Variants in ANKRD16 observed in about 807,000 individuals in gnomAD.
ANKRD16 encodes the protein ankyrin repeat domain 16.
A neutral mutation model predicts 37.9 loss-of-function variants in ANKRD16; 35 were observed. The ratio of observed to expected loss-of-function variants is 0.92; its 90% CI spans 0.71 to 1.23. The LOEUF (loss-of-function observed/expected upper bound fraction) is 1.23. Among genes scored for constraint, ANKRD16 ranks in the 50% most tolerant of loss-of-function variants. ANKRD16 has a pLI of 0.00. For missense variants in ANKRD16, 480 were observed against 469.9 expected, an observed-to-expected ratio of 1.02 and a Z score of -0.20; for synonymous variants, 206 against 197.2, an observed-to-expected ratio of 1.04 and a Z score of -0.37.
At chr10:5,879,333 G>C (rs1292408240) in intron 6 of ANKRD16, among the ~76,000 whole-genome samples, 1 of 152,064 alleles carries the variant, frequency 6.6e-6, no homozygotes, top group East Asian at 1.9e-4. Context: ...AATTAGCTGG[G>C]CATGGTGGTG....
chr10:5,877,675 C>T (rs1842205260), intron 7 of ANKRD16, among the ~76,000 whole-genome samples: 1 of 152,348 alleles, frequency 6.6e-6, no homozygotes, highest in South Asian at 2.1e-4. Context: ...GGGCCAACTG[C>T]ATTTTATAGC....
chr10:5,867,450 T>A, intron 7 of ANKRD16, among the ~76,000 whole-genome samples: 1 of 152,262 alleles, frequency 6.6e-6, no homozygotes, highest in East Asian at 1.9e-4. Flanking sequence ...AGCCAAACTT[T>A]AAAGTACTTA....
rs556442069 is a variant in ANKRD16, at chr10:5,867,736, C to T, written c.*34-5045G>A. Among the ~76,000 whole-genome samples, 706 of 152,242 alleles carry T rather than the reference C, an allele frequency of 4.6e-3. 6 individuals are homozygous for T. The highest frequency in any genetic ancestry group is 0.016 in the African/African-American group (663 of 41,536). Reference sequence around the variant, plus strand: ...TAGGAATGGCCACTGCTACAGGAACCGGAATAGCCAGTTTATCTACTTCAT... The same window carrying T: ...TAGGAATGGCCACTGCTACAGGAACTGGAATAGCCAGTTTATCTACTTCAT... On this transcript the variant is annotated intron_variant, in intron 7 of 7. Transcript: ENST00000380094.
intron 7 of ANKRD16, among the ~76,000 whole-genome samples, chr10:5,876,068 GA>G (rs1334657389): frequency 6.6e-6 from 1 of 152,172 alleles, no homozygotes; most frequent in Non-Finnish European, 1.5e-5. Context: ...ATTTTTAGAA[GA>G]AACTGGGTTT....
intron 3 of ANKRD16, among the ~76,000 whole-genome samples, chr10:5,884,551 T>G (rs1481385367): frequency 6.6e-6 from 1 of 151,948 alleles, no homozygotes; most frequent in African/African-American, 2.4e-5. Context: ...GCCAATGTGG[T>G]GAAACCCCGT....
chr10:5,889,411 G>C lies in ANKRD16; in HGVS notation c.-57C>G. On this transcript the variant is annotated 5_prime_UTR_variant, in exon 1 of 8. Coordinates refer to ENST00000380094, the MANE Select transcript of ANKRD16 (RefSeq NM_019046.3). ...GCGGCGGGCGGGACACCGGCGGCCG[G>C]GCAGGGAGAAGCCGAGGGCGAGTGG... is the stretch of plus-strand genomic sequence containing the variant. The C allele has an allele frequency of 1.8e-6, 2 of 1,140,826 alleles. No individual in the cohort carries two copies. The highest frequency in any genetic ancestry group is 2.2e-6 in the Non-Finnish European group (2 of 925,860). 70.7% of individuals were successfully genotyped at this position (1,140,826 alleles called of 1,614,324 possible).
In ANKRD16 at chr10:5,871,338, G is replaced by C. The variant is rs1043291868; in HGVS notation, c.*33+6759C>G. On this transcript the variant is annotated intron_variant, in intron 7 of 7. Transcript: ENST00000380094. This position sits in a 1 kb window ranked among gnomAD's most constrained non-coding sequence, Gnocchi z 4.5. Reference sequence around the variant, plus strand: ...GGAGGCAGAGGTTGCTGTGAGCCGAGATTGAGCCATTGCACTCTAGCCTGG... The same window carrying C: ...GGAGGCAGAGGTTGCTGTGAGCCGACATTGAGCCATTGCACTCTAGCCTGG... 1.3e-5 allele frequency among the ~76,000 whole-genome samples: 2 copies of C among 152,072 alleles called. No homozygotes were observed. The highest frequency in any genetic ancestry group is 4.8e-5 in the African/African-American group (2 of 41,378).
intron 7 of ANKRD16, among the ~76,000 whole-genome samples, chr10:5,872,241 G>A (rs78409108): frequency 0.09 from 13,695 of 152,116 alleles, 959 homozygotes; most frequent in African/African-American, 0.19. Context: ...CACTTTGGGA[G>A]GCTGAGGCGG....
chr10:5,885,909 C>A (rs992437901), intron 2 of ANKRD16, 144 bp from the exon 3 acceptor site: 2 of 726,770 alleles, frequency 2.8e-6, no homozygotes, highest in African/African-American at 1.8e-5. Flanking sequence ...TGTTACCGCC[C>A]TACACGAATA....
At chr10:5,872,391 A>G (rs1842105092) in intron 7 of ANKRD16, among the ~76,000 whole-genome samples, 1 of 151,974 alleles carries the variant, frequency 6.6e-6, no homozygotes. Context: ...AGGTATGAGA[A>G]TTGCTTGAAC....
chr10:5,880,428 T>C lies in ANKRD16; in HGVS notation c.850-52A>G, dbSNP rs141938525. On this transcript the variant is annotated intron_variant, in intron 5 of 7. Coordinates refer to ENST00000380094, the MANE Select transcript of ANKRD16 (RefSeq NM_019046.3). ...TGTGATGAGGATAAAAGAAAACCTT[T>C]TGCAAACCAAAAAGTATCTGAGACA... The C allele has an allele frequency of 9.5e-3, 11,677 of 1,234,794 alleles. 84 individuals are homozygous for C. Among genetic ancestry groups the C allele is most frequent in the Non-Finnish European group, 0.011 (9,956 of 881,504 alleles). The allele number at this position is 1,234,794 out of a possible 1,614,324, so 76.5% of individuals were successfully genotyped here. A position where few individuals can be genotyped will look rare whatever the true frequency, so the allele number is the denominator to read the frequency against.
chr10:5,875,247 C>CA (rs201742855), intron 7 of ANKRD16, among the ~76,000 whole-genome samples: 4,739 of 152,184 alleles, frequency 0.031, 234 homozygotes, highest in African/African-American at 0.11. Flanking sequence ...CAAAATGAGA[C>CA]AATCTAGGTA....
chr10:5,882,432 G>C (rs1000633147), intron 5 of ANKRD16, among the ~76,000 whole-genome samples: 4 of 149,724 alleles, frequency 2.7e-5, no homozygotes, highest in Non-Finnish European at 5.9e-5. Flanking sequence ...ATCCAGCCTG[G>C]GCAAAAAAGC....
intron 1 of ANKRD16, 65 bp downstream of exon 1, chr10:5,888,976 A>C: frequency 2.1e-6 from 3 of 1,434,462 alleles, no homozygotes; most frequent in Non-Finnish European, 2.7e-6. Flanking sequence ...ACGGAGAAGC[A>C]CAGGGAACTC....
intron 7 of ANKRD16, among the ~76,000 whole-genome samples, chr10:5,876,346 G>A (rs1190261401): frequency 6.6e-6 from 1 of 152,220 alleles, no homozygotes; most frequent in Non-Finnish European, 1.5e-5. Context: ...GTTTGTAAGG[G>A]CAGAAGCAAA....
In ANKRD16 at chr10:5,889,526, C is replaced by T. The variant is rs929863517; in HGVS notation, c.-172G>A. 34 of 358,368 alleles carry T rather than the reference C, an allele frequency of 9.5e-5. No homozygotes were observed. The highest frequency in any genetic ancestry group is 1.5e-4 in the Non-Finnish European group (33 of 227,564). The allele number at this position is 358,368 out of a possible 1,614,324, so 22.2% of individuals were successfully genotyped here. ...CCCCCGGCTTTGTCCCCGGCAGAGC[C>T]GCCTCCTCAAACCCCCGGCCTAGTC... On this transcript the variant is annotated 5_prime_UTR_variant, in exon 1 of 8. Coordinates refer to ENST00000380094, the MANE Select transcript of ANKRD16 (RefSeq NM_019046.3).
chr10:5,881,434 T>TTTATAAATA (rs1842304558), intron 5 of ANKRD16, among the ~76,000 whole-genome samples: 1 of 53,474 alleles, frequency 1.9e-5, no homozygotes, highest in African/African-American at 7.0e-5. Flanking sequence ...AATAAAAATA[T>TTTATAAATA]TATTTATATA....
At position 5,868,595 on chromosome 10, in the gene ANKRD16, T is replaced by G. The variant is rs1197760003; in HGVS notation, c.*34-5904A>C. On this transcript the variant is annotated intron_variant, in intron 7 of 7. Coordinates refer to ENST00000380094, the MANE Select transcript of ANKRD16 (RefSeq NM_019046.3). This position sits in a 1 kb window ranked among gnomAD's most constrained non-coding sequence, Gnocchi z 4.9. ...GTAAAATGGACCAATCAGCAGGATG[T>G]GGGTGGGGACAAGTAAGGGAATAAA... is the stretch of plus-strand genomic sequence containing the variant. Among the ~76,000 whole-genome samples, 1 of 152,176 alleles carries G rather than the reference T, an allele frequency of 6.6e-6. No individual in the cohort carries two copies. Among genetic ancestry groups the G allele is most frequent in the Non-Finnish European group, 1.5e-5 (1 of 68,028 alleles).
rs377369009 is a variant in ANKRD16, at chr10:5,887,921, T to C, written c.461A>G (p.Gln154Arg). 23 of 1,614,086 alleles carry C rather than the reference T, an allele frequency of 1.4e-5. No homozygotes were observed. The African/African-American group carries it at 2.9e-4, about 21-fold the overall frequency. Reference sequence around the variant, plus strand: ...ACCTGGGCAAACAGTGAGCAGGTACTGGAGGATCAGAGGGTCGCCTTCTCG... The same window carrying C: ...ACCTGGGCAAACAGTGAGCAGGTACCGGAGGATCAGAGGGTCGCCTTCTCG... ...ASREGDPLIL[Q>R]YLLTVCPGAW... Residue 154 changes from glutamine (Q) to arginine (R), a missense_variant, in exon 2 of 8, where the codon CAG becomes CGG. By Grantham distance (43) the Gln-to-Arg change is conservative. Transcript: ENST00000380094.
Sources: gnomAD v4.1 joint callset for allele counts (sites outside exome capture counted in the v4.1 genomes callset) on GRCh38, gnomAD v4.1.1 for gene constraint, Gnocchi (gnomAD v3.1) non-coding constraint, MANE v1.5 for transcripts, NCBI Gene and HGNC (gene_info 2026-07-23, HGNC 2026-07-21) for gene names.